The following NTM variants were observed in gnomAD, a reference collection of about 807,000 sequenced individuals.
The protein encoded by NTM is IgLON family member 2.
Under a neutral mutation model 42.1 loss-of-function variants are expected in NTM, and 13 were observed. That is an observed-to-expected ratio of 0.31 (90% CI 0.20 to 0.49). The LOEUF (loss-of-function observed/expected upper bound fraction) is 0.49. Ranked by LOEUF, NTM falls within the 20% of genes least tolerant of loss-of-function variation. NTM has a pLI of 0.99. For missense variants in NTM, 373 were observed against 452.8 expected, an observed-to-expected ratio of 0.82 and a Z score of 1.60; for synonymous variants, 187 against 179.2, an observed-to-expected ratio of 1.04 and a Z score of -0.35.
At chr11:131,685,547 T>C (rs2695827) in intron 1 of NTM, among the ~76,000 whole-genome samples, 51,432 of 152,162 alleles carry the variant, frequency 0.34, 9,880 homozygotes, top group African/African-American at 0.52. Flanking sequence ...AGGGCCTTTG[T>C]GCTTTCTACT....
At chr11:131,851,795 G>T (rs988380560) in intron 1 of NTM, among the ~76,000 whole-genome samples, 5 of 152,066 alleles carry the variant, frequency 3.3e-5, no homozygotes, top group African/African-American at 9.7e-5. Context: ...ATGGACCAAA[G>T]CATGGCCCAT....
intron 4 of NTM, among the ~76,000 whole-genome samples, chr11:132,274,246 G>T (rs1280349216): frequency 1.3e-5 from 2 of 150,692 alleles, no homozygotes; most frequent in East Asian, 2.0e-4. Context: ...TCTTCTTTCT[G>T]CCTGGTTTAG....
chr11:132,320,528 C>G (rs982668367), intron 7 of NTM, among the ~76,000 whole-genome samples: 31 of 152,170 alleles, frequency 2.0e-4, no homozygotes, highest in Non-Finnish European at 3.7e-4. Flanking sequence ...AGGGTCCTAC[C>G]CCACGGAGTC....
chr11:131,789,711 C>G (rs912325550), intron 1 of NTM, among the ~76,000 whole-genome samples: 3 of 150,806 alleles, frequency 2.0e-5, no homozygotes, highest in African/African-American at 7.3e-5. Context: ...AATCCCAGCA[C>G]TTTGGGAGGT....
rs115510002 is a variant in NTM at position 131,953,744 on chromosome 11, G to T, written c.167+42096G>T. Among the ~76,000 whole-genome samples, 726 of 152,216 alleles carry T rather than the reference G, an allele frequency of 4.8e-3. 7 individuals carry two copies. The highest frequency in any genetic ancestry group is 0.016 in the African/African-American group (681 of 41,534). ...AATTCACTTTCTAATGAAAAAGAAG[G>T]AGTAAAGAGAGTGAGGGAAAAAAGA... On this transcript the variant is annotated intron_variant, in intron 2 of 8. Transcript: ENST00000683400.
chr11:132,310,924 G>A lies in NTM; in HGVS notation c.782+692G>A, dbSNP rs565927929. ...CCATGGCAATTGCTGTTATCAAAGA[G>A]CCATTTTTAAGGGGGATGAACAACG... is the stretch of plus-strand genomic sequence containing the variant. On this transcript the variant is annotated intron_variant, in intron 6 of 8. Transcript: ENST00000683400. 1.3e-4 allele frequency among the ~76,000 whole-genome samples: 20 copies of A among 152,286 alleles called. No individual in the cohort carries two copies. The South Asian group carries it at 3.7e-3, about 28-fold the overall frequency.
intron 1 of NTM, among the ~76,000 whole-genome samples, chr11:131,454,377 C>T (rs1950713196): frequency 6.6e-6 from 1 of 152,158 alleles, no homozygotes; most frequent in South Asian, 2.1e-4. Flanking sequence ...TAAGGGGGGA[C>T]TACTGTATTC....
At chr11:131,811,973 T>G (rs964775055) in intron 1 of NTM, among the ~76,000 whole-genome samples, 1 of 152,204 alleles carries the variant, frequency 6.6e-6, no homozygotes, top group Middle Eastern at 3.2e-3. Context: ...CAGTAGATGA[T>G]GCTGGTATGA....
chr11:132,079,131 T>C (rs2058717615), intron 2 of NTM, among the ~76,000 whole-genome samples: 1 of 152,156 alleles, frequency 6.6e-6, no homozygotes. Flanking sequence ...ACCTTAGACT[T>C]AGACATTCTC....
intron 1 of NTM, among the ~76,000 whole-genome samples, chr11:131,385,634 C>T (rs1943223298): frequency 6.6e-6 from 1 of 152,086 alleles, no homozygotes; most frequent in South Asian, 2.1e-4. Flanking sequence ...TGGAGGATTG[C>T]TTAAGCCCAA....
chr11:131,600,749 G>A (rs925972505), intron 1 of NTM, among the ~76,000 whole-genome samples: 7 of 152,158 alleles, frequency 4.6e-5, no homozygotes. Context: ...AGATAGGTTT[G>A]CCTGTCCAGA....
rs140731934 is a variant in NTM at position 131,553,047 on chromosome 11, A to C, written c.82+182159A>C. 2.2e-4 allele frequency among the ~76,000 whole-genome samples: 34 copies of C among 152,308 alleles called. 1 individual carries two copies. The East Asian group carries it at 5.0e-3, about 22-fold the overall frequency. On this transcript the variant is annotated intron_variant, in intron 1 of 8. Coordinates refer to ENST00000683400, the MANE Select transcript of NTM (RefSeq NM_001352005.2). ...CCATAACAGGCAAAATTAAACTCTTATGTTCAGGAATGGATGCTTAGGTGG... is the reference window on the plus strand; with the variant it reads ...CCATAACAGGCAAAATTAAACTCTTCTGTTCAGGAATGGATGCTTAGGTGG...
At chr11:131,430,505 A>C (rs1193658114) in intron 1 of NTM, among the ~76,000 whole-genome samples, 1 of 152,326 alleles carries the variant, frequency 6.6e-6, no homozygotes, top group African/African-American at 2.4e-5. Context: ...ACTGGAATCC[A>C]CAGCTTTTTC....
chr11:131,656,933 C>T (rs879225489), intron 1 of NTM, among the ~76,000 whole-genome samples: 3 of 151,922 alleles, frequency 2.0e-5, no homozygotes, highest in Non-Finnish European at 2.9e-5. Flanking sequence ...ATCTGTGCTC[C>T]GTGAGCCACC....
intron 2 of NTM, among the ~76,000 whole-genome samples, chr11:132,078,938 A>G (rs771556419): frequency 4.6e-5 from 7 of 152,302 alleles, no homozygotes; most frequent in Non-Finnish European, 8.8e-5. Flanking sequence ...TTTAGGATTA[A>G]ATGCAGAACC....
At position 132,297,967 on chromosome 11, in the gene NTM, G is replaced by A. The variant is rs368044104; in HGVS notation, c.527-9722G>A. Among the ~76,000 whole-genome samples, 106 of 152,328 alleles carry A rather than the reference G, an allele frequency of 7.0e-4. 1 individual carries two copies. In the South Asian group the frequency reaches 0.021, roughly 30 times the overall value. On this transcript the variant is annotated intron_variant, in intron 4 of 8. Transcript: ENST00000683400. ...ATTAAGAACCCCTGCCCTACAAAAT[G>A]TATTGATGGCTAAATCATAGGCTGC... is the stretch of plus-strand genomic sequence containing the variant.
At chr11:132,317,703 C>CTTGCTTTATGTTTTGTCT in intron 7 of NTM, 1 of 1,301,920 alleles carries the variant, frequency 7.7e-7, no homozygotes, top group Non-Finnish European at 1.0e-6. Flanking sequence ...CAGTATCTTC[C>CTTGCTTTATGTTTTGTCT]TTGCTTTATG....
At chr11:132,205,670 G>A (rs1186267707) in intron 3 of NTM, among the ~76,000 whole-genome samples, 1 of 152,116 alleles carries the variant, frequency 6.6e-6, no homozygotes, top group Non-Finnish European at 1.5e-5. Context: ...ATACATGCCT[G>A]TGGGTAAAAG....
chr11:131,926,149 C>T (rs570609926), intron 2 of NTM, among the ~76,000 whole-genome samples: 30 of 152,122 alleles, frequency 2.0e-4, no homozygotes, highest in African/African-American at 7.0e-4. Context: ...GCAACTTGCA[C>T]AGACCAAGTA....
Sources: allele counts gnomAD v4.1 joint callset (sites outside exome capture counted in the v4.1 genomes callset), GRCh38; gene constraint gnomAD v4.1.1; transcripts MANE v1.5; gene names NCBI Gene and HGNC (gene_info 2026-07-23, HGNC 2026-07-21).